Variants in SOX6 observed in about 807,000 individuals in gnomAD.
SOX6 encodes SRY-box transcription factor 6.
Under a neutral mutation model 97.8 loss-of-function variants are expected in SOX6, and 11 were observed. The observed-to-expected ratio is 0.11, with a 90% CI of 0.07 to 0.19. The LOEUF is 0.19. Among genes scored for constraint, SOX6 ranks in the 10% least tolerant of loss-of-function variants. The probability of loss-of-function intolerance (pLI) is 1.00; values close to 1 mark genes in which losing one functional copy is unlikely to be tolerated. For missense variants in SOX6, 810 were observed against 1,039.5 expected (o/e 0.78, Z 3.04); for synonymous variants, 360 against 371.4 (o/e 0.97, Z 0.35).
At chr11:16,191,588 C>T (rs1478272674) in intron 4 of SOX6, among the ~76,000 whole-genome samples, 3 of 152,202 alleles carry the variant, frequency 2.0e-5, no homozygotes, top group East Asian at 1.9e-4. Flanking sequence ...TACCTAACAT[C>T]ATCTGTTTCA....
chr11:16,534,128 A>AGG (rs1861275104), intron 4 of SOX6, among the ~76,000 whole-genome samples: 2 of 152,284 alleles, frequency 1.3e-5, no homozygotes, highest in South Asian at 4.1e-4. Context: ...CAGCAGAACC[A>AGG]ATAAGTCCAA....
chr11:16,254,519 G>A (rs912035943), intron 3 of SOX6, among the ~76,000 whole-genome samples: 108 of 152,028 alleles, frequency 7.1e-4, no homozygotes, highest in African/African-American at 2.5e-3. Context: ...TTATTATGAG[G>A]TACCTGCACA....
intron 1 of SOX6, among the ~76,000 whole-genome samples, chr11:16,341,695 G>T (rs1856642113): frequency 6.6e-6 from 1 of 151,986 alleles, no homozygotes; most frequent in Admixed American, 6.6e-5. Context: ...TTCTCCTATG[G>T]TTTATGTAGG....
chr11:16,320,097 G>C (rs1855871227), intron 2 of SOX6, among the ~76,000 whole-genome samples: 3 of 152,048 alleles, frequency 2.0e-5, no homozygotes, highest in Admixed American at 2.0e-4. Context: ...CTGAGGGTTG[G>C]AAACAGCTAT....
rs1423023323 is a variant in SOX6, at chr11:16,124,561, AATGT to A, written c.778-12642_778-12639del. On this transcript the variant is annotated intron_variant, in intron 6 of 15. Coordinates refer to ENST00000683767, the MANE Select transcript of SOX6 (RefSeq NM_001367873.1). ...CACACAGGGTTAAACGACCTGAGGA[AATGT>A]TGCACAGAGCTAGAAGAGAGAAAAG... Among the ~76,000 whole-genome samples, 16 of 152,132 alleles carry A rather than the reference AATGT, an allele frequency of 1.1e-4. No individual in the cohort carries two copies. In the East Asian group the frequency reaches 2.9e-3, roughly 28 times the overall value.
intron 12 of SOX6, among the ~76,000 whole-genome samples, chr11:16,029,276 A>C (rs1030972321): frequency 2.0e-5 from 3 of 152,212 alleles, no homozygotes; most frequent in Admixed American, 1.3e-4. Context: ...TGCCCAGATA[A>C]GGAGAAACTT....
chr11:16,258,174 C>T (rs556559808), intron 3 of SOX6, among the ~76,000 whole-genome samples: 5 of 152,080 alleles, frequency 3.3e-5, no homozygotes, highest in African/African-American at 1.2e-4. Context: ...ATAAAACTAA[C>T]ATTCTCTAAT....
At chr11:16,490,184 G>C (rs1033061333) in intron 4 of SOX6, among the ~76,000 whole-genome samples, 1 of 151,950 alleles carries the variant, frequency 6.6e-6, no homozygotes, top group African/African-American at 2.4e-5. Context: ...TGCCATCATA[G>C]AGCAAAAGCA....
chr11:16,485,623 C>T (rs1003433310), intron 4 of SOX6, among the ~76,000 whole-genome samples: 5 of 150,832 alleles, frequency 3.3e-5, no homozygotes, highest in African/African-American at 7.3e-5. Context: ...CCCAGCTACT[C>T]GGGAGGCTGA....
At chr11:16,581,589 T>C (rs1848032788) in intron 4 of SOX6, among the ~76,000 whole-genome samples, 1 of 152,048 alleles carries the variant, frequency 6.6e-6, no homozygotes, top group Admixed American at 6.6e-5. Context: ...TCTGCACATG[T>C]CTCCCATGAC....
intron 3 of SOX6, among the ~76,000 whole-genome samples, chr11:16,281,033 C>G (rs1049874598): frequency 1.3e-5 from 2 of 152,036 alleles, no homozygotes; most frequent in African/African-American, 4.8e-5. Flanking sequence ...AGAGTCAGCC[C>G]TCAACAAAGT....
chr11:16,198,973 T>G (rs888386527), intron 4 of SOX6, among the ~76,000 whole-genome samples: 7 of 152,158 alleles, frequency 4.6e-5, no homozygotes, highest in Non-Finnish European at 1.0e-4. Flanking sequence ...AAGGGGAGGA[T>G]CTGTGTCACA....
intron 4 of SOX6, among the ~76,000 whole-genome samples, chr11:16,574,453 C>T (rs1847964476): frequency 6.6e-6 from 1 of 152,062 alleles, no homozygotes; most frequent in Non-Finnish European, 1.5e-5. Flanking sequence ...AGAAACTACA[C>T]CTCTACTTTA....
chr11:16,582,489 G>A lies in SOX6; in HGVS notation n.609+29592C>T, dbSNP rs114306467. Among the ~76,000 whole-genome samples, 1,172 of 151,868 alleles carry A rather than the reference G, an allele frequency of 7.7e-3. 14 individuals carry two copies. Among genetic ancestry groups the A allele is most frequent in the African/African-American group, 0.027 (1,099 of 41,424 alleles). ...CATCTATCTGGCATAAAAAATAAAC[G>A]TTTGTTGAATTTAATTAATCAAGCC... is the stretch of plus-strand genomic sequence containing the variant. On this transcript the variant is annotated intron_variant and non_coding_transcript_variant, in intron 4 of 5. Coordinates refer to the SOX6 transcript ENST00000524520.
chr11:16,212,402 T>G (rs1020397947), intron 4 of SOX6, among the ~76,000 whole-genome samples: 1 of 152,142 alleles, frequency 6.6e-6, no homozygotes, highest in East Asian at 1.9e-4. Context: ...TTTACATGTT[T>G]TCAGTTTATA....
intron 1 of SOX6, among the ~76,000 whole-genome samples, chr11:16,412,090 G>T (rs1441677807): frequency 6.6e-6 from 1 of 152,020 alleles, no homozygotes; most frequent in Non-Finnish European, 1.5e-5. Flanking sequence ...ACTACACACA[G>T]AAAGCTAGAT....
intron 4 of SOX6, among the ~76,000 whole-genome samples, chr11:16,598,416 T>G (rs1400905584): frequency 6.6e-6 from 1 of 152,054 alleles, no homozygotes; most frequent in Non-Finnish European, 1.5e-5. Context: ...GCATTCTTAC[T>G]CAGTTTTATC....
At chr11:16,364,727 G>T (rs626927) in intron 1 of SOX6, among the ~76,000 whole-genome samples, 1 of 151,374 alleles carries the variant, frequency 6.6e-6, no homozygotes, top group Non-Finnish European at 1.5e-5. Context: ...TTATCACTCA[G>T]AATGACTATG....
intron 1 of SOX6, among the ~76,000 whole-genome samples, chr11:16,349,284 G>C (rs1856845806): frequency 6.6e-6 from 1 of 151,954 alleles, no homozygotes; most frequent in African/African-American, 2.4e-5. Flanking sequence ...AAATATAGGG[G>C]CTTTTTCCAT....
Sources: allele counts gnomAD v4.1 joint callset (sites outside exome capture counted in the v4.1 genomes callset), GRCh38; gene constraint gnomAD v4.1.1; transcripts MANE v1.5; gene names NCBI Gene and HGNC (gene_info 2026-07-23, HGNC 2026-07-21).